The following NFATC3 variants were observed in gnomAD, a reference collection of about 807,000 sequenced individuals.
NFATC3 encodes the protein nuclear factor of activated T-cells, cytoplasmic 3.
Under a neutral mutation model 98.6 loss-of-function variants are expected in NFATC3, and 46 were observed. That is an observed-to-expected ratio of 0.47 (90% CI 0.37 to 0.60). The LOEUF (loss-of-function observed/expected upper bound fraction) is 0.60. Ranked by LOEUF, NFATC3 falls within the 20% of genes least tolerant of loss-of-function variation. The pLI is 0.00. For missense variants in NFATC3, 1,256 were observed against 1,295.5 expected (o/e 0.97, Z 0.47); for synonymous variants, 512 against 472.2 (o/e 1.08, Z -1.09).
At chr16:68,219,802 T>A (rs2041789669) in intron 9 of NFATC3, among the ~76,000 whole-genome samples, 1 of 152,188 alleles carries the variant, frequency 6.6e-6, no homozygotes, top group African/African-American at 2.4e-5. Context: ...TATGGCAGTG[T>A]GTATCTACTC....
chr16:68,208,991 T>C (rs1274197591), intron 9 of NFATC3, among the ~76,000 whole-genome samples: 2 of 152,244 alleles, frequency 1.3e-5, no homozygotes, highest in African/African-American at 2.4e-5. Context: ...TTTATTTTTC[T>C]AACCTAATTG....
intron 8 of NFATC3, among the ~76,000 whole-genome samples, chr16:68,184,025 AG>A (rs1328766112): frequency 2.6e-5 from 4 of 150,946 alleles, no homozygotes; most frequent in East Asian, 3.9e-4. Context: ...AAAAAAAAAA[AG>A]AAATGAGCTT....
Position 68,122,326 on chromosome 16 carries a change from A to T in NFATC3, c.443A>T (p.His148Leu). 1.2e-6 allele frequency: 2 copies of T among 1,614,138 alleles called. No homozygotes were observed. The highest frequency in any genetic ancestry group is 1.7e-6 in the Non-Finnish European group (2 of 1,180,014). The change falls in exon 2 of 10, where the codon CAT becomes CTT. Residue 148 changes from histidine to leucine, a missense_variant. Physicochemically the swap from His to Leu is moderately conservative, Grantham distance 99. Around this residue, in one of 3 missense-constraint regions of NFATC3, gnomAD observed 464 missense variants for 465.7 expected, o/e 1.00. Coordinates refer to ENST00000346183, the MANE Select transcript of NFATC3 (RefSeq NM_173165.3). ...TTTTTGGAAAGGCCTTCTAGAGATC[A>T]TCTCTATCTTCCTCTTGAGCCATCC... Reference protein sequence around the residue: ...REFLERPSRDHLYLPLEPSYR... With the variant: ...REFLERPSRDLLYLPLEPSYR...
intron 4 of NFATC3, among the ~76,000 whole-genome samples, chr16:68,162,679 C>T (rs749325142): frequency 4.0e-5 from 6 of 151,294 alleles, no homozygotes; most frequent in African/African-American, 1.2e-4. Flanking sequence ...ATAAGTGTTC[C>T]GACAAGGTTG....
At chr16:68,225,535 G>A (rs781467008) in intron 9 of NFATC3, 2 of 152,130 alleles carry the variant, frequency 1.3e-5, no homozygotes, top group Non-Finnish European at 2.9e-5. Flanking sequence ...GACAACTTAC[G>A]TTTATCCATT....
chr16:68,116,087 A>T (rs1468083226), intron 1 of NFATC3, among the ~76,000 whole-genome samples: 1 of 152,136 alleles, frequency 6.6e-6, no homozygotes, highest in Non-Finnish European at 1.5e-5. Flanking sequence ...CTTGTGTGAA[A>T]ATAACCATAG....
chr16:68,194,009 A>T (rs2040553271), intron 9 of NFATC3, among the ~76,000 whole-genome samples: 1 of 152,210 alleles, frequency 6.6e-6, no homozygotes, highest in Non-Finnish European at 1.5e-5. Context: ...GTGTGTAAAC[A>T]GAAGGTATAT....
At chr16:68,102,041 G>A (rs1161368897) in intron 1 of NFATC3, among the ~76,000 whole-genome samples, 1 of 152,006 alleles carries the variant, frequency 6.6e-6, no homozygotes, top group Non-Finnish European at 1.5e-5. Context: ...GTAGCTTACT[G>A]ATGGTAATAG....
At chr16:68,212,952 G>T in intron 9 of NFATC3, among the ~76,000 whole-genome samples, 1 of 145,404 alleles carries the variant, frequency 6.9e-6, no homozygotes, top group African/African-American at 2.5e-5. Flanking sequence ...ACCACGCCTG[G>T]CTGATTTTTT....
intron 1 of NFATC3, among the ~76,000 whole-genome samples, chr16:68,120,437 A>C (rs1203509492): frequency 6.6e-6 from 1 of 151,560 alleles, no homozygotes; most frequent in Non-Finnish European, 1.5e-5. Context: ...AAATTAGCCG[A>C]GTGTCATGGC....
rs1373796980 is a variant in NFATC3 at position 68,211,514 on chromosome 16, TTGTTG to T, written c.3107-14834_3107-14830del. ...ACTCTTCTTCTGTAAATGTTTTTTG[TTGTTG>T]TTGTTGTTGTTGTTGTTGTTTGAGT... On this transcript the variant is annotated intron_variant, in intron 9 of 9. Transcript: ENST00000346183. 6.9e-5 allele frequency among the ~76,000 whole-genome samples: 8 copies of T among 116,552 alleles called. No individual in the cohort carries two copies. In the South Asian group the frequency reaches 1.3e-3, roughly 19 times the overall value. 76.5% of individuals were successfully genotyped at this position (116,552 alleles called of 152,430 possible).
intron 1 of NFATC3, among the ~76,000 whole-genome samples, chr16:68,118,129 A>T (rs2036386295): frequency 6.6e-6 from 1 of 152,108 alleles, no homozygotes. Flanking sequence ...CTGTGTTGCA[A>T]CTATCACCTT....
intron 3 of NFATC3, among the ~76,000 whole-genome samples, chr16:68,145,001 T>G (rs553960596): frequency 1.5e-4 from 23 of 152,202 alleles, no homozygotes; most frequent in African/African-American, 5.1e-4. Flanking sequence ...GAGATGGCAA[T>G]CTCACTATGT....
chr16:68,125,955 C>T (rs2036814557), intron 2 of NFATC3, among the ~76,000 whole-genome samples: 1 of 152,054 alleles, frequency 6.6e-6, no homozygotes, highest in Admixed American at 6.6e-5. Flanking sequence ...TGCAGTGGCG[C>T]AATCTTGGCT....
intron 3 of NFATC3, among the ~76,000 whole-genome samples, chr16:68,141,356 A>G (rs1295209534): frequency 2.0e-5 from 3 of 152,136 alleles, no homozygotes; most frequent in Admixed American, 6.5e-5. Flanking sequence ...TGGTAGATCT[A>G]CTTTTAGTTT....
intron 9 of NFATC3, among the ~76,000 whole-genome samples, chr16:68,204,215 A>T (rs1195231009): frequency 2.0e-5 from 3 of 151,454 alleles, no homozygotes; most frequent in African/African-American, 7.3e-5. Context: ...AGTGAAAATT[A>T]GCCACGCATG....
At chr16:68,135,255 G>C (rs1193670069) in intron 3 of NFATC3, among the ~76,000 whole-genome samples, 4 of 151,936 alleles carry the variant, frequency 2.6e-5, no homozygotes, top group Admixed American at 2.0e-4. Context: ...TCAGGAGATT[G>C]AGACCATCTT....
At chr16:68,220,608 T>C (rs2041824010) in intron 9 of NFATC3, among the ~76,000 whole-genome samples, 1 of 150,862 alleles carries the variant, frequency 6.6e-6, no homozygotes, top group South Asian at 2.1e-4. Context: ...TTTTTTTTTT[T>C]AAGAGACAAA....
At chr16:68,126,364 G>A (rs1399256913) in intron 2 of NFATC3, 84 bp from the exon 3 acceptor site, 3 of 1,281,710 alleles carry the variant, frequency 2.3e-6, no homozygotes, top group African/African-American at 3.0e-5. Context: ...AGGAAGAAAT[G>A]TTGGTGCTGG....
Sources: gnomAD v4.1 joint callset for allele counts (sites outside exome capture counted in the v4.1 genomes callset) on GRCh38, gnomAD v4.1.1 for gene constraint, gnomAD v4.1.1 regional missense constraint, MANE v1.5 for transcripts, NCBI Gene and HGNC (gene_info 2026-07-23, HGNC 2026-07-21) for gene names.